The following PIAS1 variants were observed in gnomAD, a reference collection of about 807,000 sequenced individuals.
The protein encoded by PIAS1 is E3 SUMO-protein ligase PIAS1.
A neutral mutation model predicts 71.3 loss-of-function variants in PIAS1; 6 were observed. The ratio of observed to expected loss-of-function variants is 0.08; its 90% confidence interval spans 0.05 to 0.17. PIAS1 has a LOEUF of 0.17. Ranked by LOEUF, PIAS1 falls within the 10% of genes least tolerant of loss-of-function variation. PIAS1 has a pLI of 1.00. For synonymous variants in PIAS1, 303 were observed against 292.9 expected (o/e 1.03, Z -0.35); for missense variants, 555 against 793.6 (o/e 0.70, Z 3.61).
chr15:68,130,585 A>G (rs1473423810), intron 2 of PIAS1, among the ~76,000 whole-genome samples: 2 of 151,910 alleles, frequency 1.3e-5, no homozygotes, highest in Admixed American at 6.6e-5. Context: ...AGGAATAAAC[A>G]ATTTCTGTAT....
chr15:68,132,927 C>T (rs8038236), intron 2 of PIAS1, among the ~76,000 whole-genome samples: 56,736 of 151,438 alleles, frequency 0.37, 12,606 homozygotes, highest in East Asian at 0.79. Flanking sequence ...CTCTGTCTCT[C>T]ATAGGTAATC....
Position 68,187,463 on chromosome 15 carries a change from G to A in PIAS1, c.1663-79G>A. 1.5e-6 allele frequency: 2 copies of A among 1,311,666 alleles called. No homozygotes were observed. 81.3% of individuals were successfully genotyped at this position (1,311,666 alleles called of 1,614,324 possible). A position where few individuals can be genotyped will look rare whatever the true frequency, so the allele number is the denominator to read the frequency against. On this transcript the variant is annotated intron_variant, in intron 13 of 13. Transcript: ENST00000249636. The surrounding 1 kb of genome is among the most constrained non-coding windows in gnomAD (Gnocchi z 5.3). ...ATACTCAGGCTATCTTAAATTTAGG[G>A]CTGTGTCCCGCTGAGGAGAAAATAT...
chr15:68,095,527 CTTT>C (rs1161480690), intron 2 of PIAS1, among the ~76,000 whole-genome samples: 1 of 131,970 alleles, frequency 7.6e-6, no homozygotes. Context: ...TTAAGACATT[CTTT>C]TTTTTTTTTT....
At chr15:68,073,894 C>G (rs755274407) in intron 1 of PIAS1, among the ~76,000 whole-genome samples, 1 of 152,152 alleles carries the variant, frequency 6.6e-6, no homozygotes, top group Admixed American at 6.5e-5. Flanking sequence ...TTAAGAGTCT[C>G]TTGCAGACTC....
intron 2 of PIAS1, among the ~76,000 whole-genome samples, chr15:68,133,436 A>T (rs1036615272): frequency 4.6e-5 from 7 of 151,922 alleles, no homozygotes; most frequent in African/African-American, 1.2e-4. Context: ...TAGATGAATT[A>T]AAAAAAATGG....
intron 7 of PIAS1, among the ~76,000 whole-genome samples, chr15:68,157,831 C>T (rs910788526): frequency 4.5e-4 from 68 of 152,294 alleles, no homozygotes; most frequent in African/African-American, 1.6e-3. Context: ...TAACTACCTT[C>T]ACCTAAGCAT....
intron 2 of PIAS1, among the ~76,000 whole-genome samples, chr15:68,137,431 A>G (rs970303386): frequency 3.3e-5 from 5 of 152,206 alleles, no homozygotes; most frequent in Non-Finnish European, 5.9e-5. Flanking sequence ...TGATATGAGA[A>G]TGACTGGAAG....
intron 1 of PIAS1, among the ~76,000 whole-genome samples, chr15:68,071,240 G>A (rs1299458285): frequency 3.0e-5 from 3 of 101,100 alleles, no homozygotes; most frequent in African/African-American, 3.8e-5. Flanking sequence ...CCTCCATGGA[G>A]TGGCTAACCC....
At chr15:68,088,019 C>A (rs887844929) in intron 2 of PIAS1, 2 of 231,434 alleles carry the variant, frequency 8.6e-6, no homozygotes, top group African/African-American at 4.6e-5. Flanking sequence ...AAAGTTCCTT[C>A]CTTGTTAGCT....
At chr15:68,165,573 T>C (rs2092952649) in intron 8 of PIAS1, among the ~76,000 whole-genome samples, 1 of 152,164 alleles carries the variant, frequency 6.6e-6, no homozygotes, top group Non-Finnish European at 1.5e-5. Flanking sequence ...TTGTTATACA[T>C]ATAAAAAAAC....
At position 68,190,068 on chromosome 15, in the gene PIAS1, G is replaced by T. The variant is rs560389324; in HGVS notation, c.*2233G>T. 3 of 152,260 alleles carry T rather than the reference G, an allele frequency of 2.0e-5. No homozygotes were observed. The highest frequency in any genetic ancestry group is 7.2e-5 in the African/African-American group (3 of 41,574). 9.4% of individuals were successfully genotyped at this position (152,260 alleles called of 1,614,324 possible). ...TCAGAATTCTGATCAGTAACTTTGT[G>T]TATGATGCTGAATTACAAACCGTTT... On this transcript the variant is annotated 3_prime_UTR_variant, in exon 14 of 14. Coordinates refer to ENST00000249636, the MANE Select transcript of PIAS1 (RefSeq NM_016166.3). This position sits in a 1 kb window ranked among gnomAD's most constrained non-coding sequence, Gnocchi z 4.7.
chr15:68,097,567 G>T (rs546651038), intron 2 of PIAS1, among the ~76,000 whole-genome samples: 121 of 152,070 alleles, frequency 8.0e-4, no homozygotes, highest in African/African-American at 2.8e-3. Flanking sequence ...CAAGTAGCTG[G>T]GACTACAGGC....
chr15:68,172,988 C>T (rs1474765533), intron 8 of PIAS1, among the ~76,000 whole-genome samples: 1 of 152,350 alleles, frequency 6.6e-6, no homozygotes, highest in East Asian at 1.9e-4. Flanking sequence ...CTCCTCAGAG[C>T]TGCCACTTGG....
Position 68,153,631 on chromosome 15 carries a change from A to G in PIAS1, c.870A>G (p.Ser290=). 4 of 1,598,120 alleles carry G rather than the reference A, an allele frequency of 2.5e-6. 1 individual carries two copies. Among genetic ancestry groups the G allele is most frequent in the Admixed American group, 1.7e-5 (1 of 59,956 alleles). The change falls in exon 7 of 14, where the codon TCA becomes TCG. Residue 290 remains serine (S), a synonymous_variant. Transcript: ENST00000249636. ...MAVYLVKQLS[S]TVLLQRLRAK... ...TATATCTTGTAAAACAGTTGTCCTC[A>G]ACAGTTCTTCTTCAGAGGTTACGAG... is the stretch of plus-strand genomic sequence containing the variant.
chr15:68,054,877 G>T lies in PIAS1; in HGVS notation c.24+527G>T, dbSNP rs3941095. 2,273 of 152,418 alleles carry T rather than the reference G, an allele frequency of 0.015. 26 individuals are homozygous for T. Among genetic ancestry groups the T allele is most frequent in the Non-Finnish European group, 0.023 (1,552 of 68,114 alleles). The allele number at this position is 152,418 out of a possible 1,614,324, so 9.4% of individuals were successfully genotyped here. On this transcript the variant is annotated intron_variant, in intron 1 of 13. Coordinates refer to ENST00000249636, the MANE Select transcript of PIAS1 (RefSeq NM_016166.3). This position sits in a 1 kb window ranked among gnomAD's most constrained non-coding sequence, Gnocchi z 4.6. ...TCCCAGTAGCCCCCGCCCCGGACTCGGCTTTCCCCGGCTGCTCGCTTGTCA... is the reference window on the plus strand; with the variant it reads ...TCCCAGTAGCCCCCGCCCCGGACTCTGCTTTCCCCGGCTGCTCGCTTGTCA...
chr15:68,172,588 T>G (rs2092998373), intron 8 of PIAS1, among the ~76,000 whole-genome samples: 1 of 152,200 alleles, frequency 6.6e-6, no homozygotes, highest in Non-Finnish European at 1.5e-5. Context: ...AGCGTTTATA[T>G]TTTTCAAGTT....
chr15:68,117,789 C>T (rs529105041), intron 2 of PIAS1, among the ~76,000 whole-genome samples: 33 of 152,250 alleles, frequency 2.2e-4, no homozygotes, highest in Non-Finnish European at 3.2e-4. Flanking sequence ...TCATATCTTG[C>T]GATTGTGAGT....
chr15:68,115,507 TTTACTC>T (rs1383213181), intron 2 of PIAS1, among the ~76,000 whole-genome samples: 1 of 152,108 alleles, frequency 6.6e-6, no homozygotes, highest in Non-Finnish European at 1.5e-5. Flanking sequence ...AATAGACAGT[TTTACTC>T]TTTTCCAGTC....
At chr15:68,154,968 C>T (rs1179814355) in intron 7 of PIAS1, among the ~76,000 whole-genome samples, 1 of 152,152 alleles carries the variant, frequency 6.6e-6, no homozygotes, top group Non-Finnish European at 1.5e-5. Context: ...TCGTATTTGC[C>T]TCACAATACT....
Sources: gnomAD v4.1 joint callset for allele counts (sites outside exome capture counted in the v4.1 genomes callset) on GRCh38, gnomAD v4.1.1 for gene constraint, Gnocchi (gnomAD v3.1) non-coding constraint, MANE v1.5 for transcripts, NCBI Gene and HGNC (gene_info 2026-07-23, HGNC 2026-07-21) for gene names.